The following DAB2IP variants were observed in gnomAD, a reference collection of about 807,000 sequenced individuals.
DAB2IP encodes the protein disabled homolog 2-interacting protein.
A neutral mutation model predicts 107.2 loss-of-function variants in DAB2IP; 28 were observed. The ratio of observed to expected loss-of-function variants is 0.26; its 90% CI spans 0.19 to 0.36. The LOEUF (loss-of-function observed/expected upper bound fraction) is 0.36, where lower values mean the gene tolerates loss of function less well. Ranked by LOEUF, DAB2IP falls within the 10% of genes least tolerant of loss-of-function variation. The pLI is 1.00. For missense variants in DAB2IP, 1,400 were observed against 1,644.7 expected (o/e 0.85, Z 2.57); for synonymous variants, 755 against 706.4 (o/e 1.07, Z -1.09).
rs1342476959 is a variant in DAB2IP at position 121,774,466 on chromosome 9, G to A, written c.3120+54G>A. 6.9e-5 allele frequency: 104 copies of A among 1,516,498 alleles called. 1 individual carries two copies. The East Asian group carries it at 2.4e-3, about 35-fold the overall frequency. The allele number at this position is 1,516,498 out of a possible 1,614,324, so 93.9% of individuals were successfully genotyped here. The stretch of plus-strand genomic sequence containing the variant: ...AGGGCGGGGCTGCCTCCCGGCAGCA[G>A]CTGGTAGGAGTCTCTCCCCCAGGTC... On this transcript the variant is annotated intron_variant, in intron 13 of 15. Transcript: ENST00000408936.
intron 5 of DAB2IP, 54 bp from the exon 6 acceptor site, chr9:121,759,831 G>A: frequency 6.6e-7 from 1 of 1,513,998 alleles, no homozygotes; most frequent in South Asian, 1.3e-5. Context: ...GGGCTGGTTG[G>A]GGGTTGCACG....
At chr9:121,576,635 C>T (rs965548601) in intron 1 of DAB2IP, among the ~76,000 whole-genome samples, 1 of 152,138 alleles carries the variant, frequency 6.6e-6, no homozygotes, top group African/African-American at 2.4e-5. Flanking sequence ...ACAGTGAAAA[C>T]TTGGAGGGGA....
intron 1 of DAB2IP, among the ~76,000 whole-genome samples, chr9:121,592,961 G>A (rs553102757): frequency 4.5e-4 from 68 of 151,912 alleles, no homozygotes; most frequent in African/African-American, 1.6e-3. Flanking sequence ...CCTCACTCAG[G>A]GGGTGGCACA....
chr9:121,723,280 C>T (rs190974464), intron 3 of DAB2IP, among the ~76,000 whole-genome samples: 355 of 152,332 alleles, frequency 2.3e-3, no homozygotes, highest in African/African-American at 3.9e-3. Flanking sequence ...CTGAGGACTT[C>T]GAGAGCACAC....
intron 1 of DAB2IP, among the ~76,000 whole-genome samples, chr9:121,674,668 T>A (rs1445980896): frequency 6.6e-6 from 1 of 152,056 alleles, no homozygotes; most frequent in Non-Finnish European, 1.5e-5. Flanking sequence ...TCATCATCTG[T>A]CGAATGGGAG....
Position 121,699,388 on chromosome 9 carries a change from C to G in DAB2IP, c.292C>G (p.Arg98Gly). The G allele has an allele frequency of 6.8e-7, 1 of 1,481,158 alleles. No homozygotes were observed. The highest frequency in any genetic ancestry group is 1.3e-5 in the South Asian group (1 of 79,506). The allele number at this position is 1,481,158 out of a possible 1,614,324, so 91.8% of individuals were successfully genotyped here. The change falls in exon 3 of 16, where the codon CGC becomes GGC. Residue 98 changes from arginine (R) to glycine (G), a missense_variant. Coordinates refer to ENST00000408936, the Ensembl canonical transcript of DAB2IP. This position sits in a 1 kb window ranked among gnomAD's most constrained non-coding sequence, Gnocchi z 6.2. ...CACCAAGAGCCAGCCCAAGCTGGAC[C>G]GCAACCACAGCTTCCGCCACATCCT...
intron 2 of DAB2IP, among the ~76,000 whole-genome samples, chr9:121,693,552 T>C (rs1829268387): frequency 6.6e-6 from 1 of 152,214 alleles, no homozygotes; most frequent in Admixed American, 6.5e-5. Flanking sequence ...GGCTCTCTCT[T>C]TGGGGATGGG....
intron 1 of DAB2IP, among the ~76,000 whole-genome samples, chr9:121,661,329 ATTTC>A (rs1240994604): frequency 6.6e-6 from 1 of 152,062 alleles, no homozygotes; most frequent in Non-Finnish European, 1.5e-5. Context: ...AGAAGCTTGG[ATTTC>A]CCATTAACTG....
At chr9:121,765,672 C>CT (rs1293214644) in intron 8 of DAB2IP, among the ~76,000 whole-genome samples, 1 of 152,144 alleles carries the variant, frequency 6.6e-6, no homozygotes, top group African/African-American at 2.4e-5. Flanking sequence ...CAAGTGTAGA[C>CT]TGAGTTCACG....
chr9:121,769,030 C>G (rs575050732), intron 10 of DAB2IP, among the ~76,000 whole-genome samples: 1 of 152,284 alleles, frequency 6.6e-6, no homozygotes, highest in African/African-American at 2.4e-5. Context: ...TAGGATTGCC[C>G]TTGACCATCA....
intron 3 of DAB2IP, among the ~76,000 whole-genome samples, chr9:121,703,973 C>T (rs1829925160): frequency 6.6e-6 from 1 of 152,190 alleles, no homozygotes; most frequent in African/African-American, 2.4e-5. Flanking sequence ...GGGATTCCTG[C>T]TTACACCTGG....
At chr9:121,783,834 G>A in exon 16 of DAB2IP, 1 of 513,888 alleles carries the variant, frequency 1.9e-6, no homozygotes, top group Non-Finnish European at 3.5e-6. Flanking sequence ...CCACTTTCAA[G>A]ACAGATGAGC....
intron 1 of DAB2IP, among the ~76,000 whole-genome samples, chr9:121,616,864 T>C (rs1831297414): frequency 6.6e-6 from 1 of 152,204 alleles, no homozygotes; most frequent in South Asian, 2.1e-4. Flanking sequence ...ACCTTTCTGC[T>C]GGGCAGACCG....
chr9:121,633,369 T>C lies in DAB2IP; in HGVS notation c.41-45309T>C, dbSNP rs1831963095. On this transcript the variant is annotated intron_variant, in intron 1 of 16. Coordinates refer to the DAB2IP transcript ENST00000259371. The surrounding 1 kb of genome is among the most constrained non-coding windows in gnomAD (Gnocchi z 5.1). ...TTGTCAGAGCCAGGGGTTGTGTCTT[T>C]GCCCACTGACCCCACCCCCCCTACC... Among the ~76,000 whole-genome samples the C allele has an allele frequency of 6.6e-6, 1 of 152,122 alleles. No homozygotes were observed. The highest frequency in any genetic ancestry group is 2.1e-4 in the South Asian group (1 of 4,820).
At chr9:121,630,031 A>G (rs1193680761) in intron 1 of DAB2IP, among the ~76,000 whole-genome samples, 3 of 152,226 alleles carry the variant, frequency 2.0e-5, no homozygotes, top group Non-Finnish European at 1.5e-5. Context: ...CTGCAATTAT[A>G]AATGTAGATG....
At chr9:121,610,833 G>C (rs536670995) in intron 1 of DAB2IP, among the ~76,000 whole-genome samples, 4 of 152,206 alleles carry the variant, frequency 2.6e-5, no homozygotes, top group Non-Finnish European at 4.4e-5. Flanking sequence ...CCAGTCCTGG[G>C]CCCATCTCTT....
At chr9:121,659,508 G>T (rs150628821) in intron 1 of DAB2IP, among the ~76,000 whole-genome samples, 1 of 152,188 alleles carries the variant, frequency 6.6e-6, no homozygotes, top group Non-Finnish European at 1.5e-5. Flanking sequence ...AGTCTGAGGG[G>T]TTGCTTGCAA....
In DAB2IP at chr9:121,735,275, G is replaced by T. The variant is rs1006667388; in HGVS notation, c.363-21738G>T. On this transcript the variant is annotated intron_variant, in intron 3 of 15. Coordinates refer to ENST00000408936, the Ensembl canonical transcript of DAB2IP. The stretch of plus-strand genomic sequence containing the variant: ...GTTGGATCGCCTGGCCTGTGTGCAC[G>T]GCAGAGCTGAGCCTGGAGCCTAGGG... Among the ~76,000 whole-genome samples the T allele has an allele frequency of 2.0e-5, 3 of 152,118 alleles. No homozygotes were observed. The South Asian group carries it at 6.2e-4, about 32-fold the overall frequency.
At chr9:121,644,244 CAAG>C (rs1048583427) in intron 1 of DAB2IP, among the ~76,000 whole-genome samples, 10 of 145,330 alleles carry the variant, frequency 6.9e-5, no homozygotes, top group African/African-American at 2.6e-4. Context: ...AGGAAGGAAA[CAAG>C]GAAGGAAGGA....
Sources: allele counts gnomAD v4.1 joint callset (sites outside exome capture counted in the v4.1 genomes callset), GRCh38; gene constraint gnomAD v4.1.1; non-coding constraint Gnocchi (gnomAD v3.1); transcripts MANE v1.5; gene names NCBI Gene and HGNC (gene_info 2026-07-23, HGNC 2026-07-21).